Variants in PCDH9 observed in about 807,000 individuals in gnomAD.
PCDH9 encodes the protein protocadherin-9.
Under a neutral mutation model 70.6 loss-of-function variants are expected in PCDH9, and 24 were observed. That is an observed-to-expected ratio of 0.34 (90% confidence interval 0.25 to 0.48). The LOEUF is 0.48. Among genes scored for constraint, PCDH9 ranks in the 20% least tolerant of loss-of-function variants. The pLI is 0.99. For missense variants in PCDH9, 1,281 were observed against 1,503.6 expected (o/e 0.85, Z 2.45); for synonymous variants, 562 against 558.5 (o/e 1.01, Z -0.09).
intron 3 of PCDH9, among the ~76,000 whole-genome samples, chr13:66,830,872 T>C (rs374030781): frequency 5.8e-4 from 89 of 152,344 alleles, no homozygotes; most frequent in African/African-American, 2.1e-3. Flanking sequence ...ATCTAGGTAA[T>C]ATTTATGTTA....
At chr13:67,147,720 T>C (rs1437090426) in intron 2 of PCDH9, among the ~76,000 whole-genome samples, 1 of 152,240 alleles carries the variant, frequency 6.6e-6, no homozygotes, top group Non-Finnish European at 1.5e-5. Flanking sequence ...ATTGTTTCTT[T>C]GTATTTCATG....
At chr13:66,525,545 TCAAAA>T (rs900578971) in intron 4 of PCDH9, among the ~76,000 whole-genome samples, 41 of 152,126 alleles carry the variant, frequency 2.7e-4, no homozygotes, top group African/African-American at 6.7e-4. Context: ...AAAGCAAAAA[TCAAAA>T]CAAAACAAAA....
chr13:67,142,187 TA>T (rs1354724248), intron 2 of PCDH9, among the ~76,000 whole-genome samples: 2 of 152,174 alleles, frequency 1.3e-5, no homozygotes, highest in Non-Finnish European at 2.9e-5. Context: ...TCTGCTACCG[TA>T]AGTTTTTAAA....
intron 3 of PCDH9, among the ~76,000 whole-genome samples, chr13:66,818,731 G>T (rs1218323576): frequency 6.6e-6 from 1 of 152,032 alleles, no homozygotes. Context: ...AGGAGATCGA[G>T]ACCATCCTGG....
At position 66,724,422 on chromosome 13, in the gene PCDH9, G is replaced by C. The variant is rs115807766; in HGVS notation, c.3139-93011C>G. ...AAATAATTCTATACACATTGACATGGATATCAATCTTTACATTTCTCTCCT... is the reference window on the plus strand; with the variant it reads ...AAATAATTCTATACACATTGACATGCATATCAATCTTTACATTTCTCTCCT... On this transcript the variant is annotated intron_variant, in intron 3 of 4. Transcript: ENST00000377865. Among the ~76,000 whole-genome samples, 313 of 152,216 alleles carry C rather than the reference G, an allele frequency of 2.1e-3. 1 individual carries two copies. The highest frequency in any genetic ancestry group is 7.4e-3 in the African/African-American group (307 of 41,540).
At chr13:67,064,850 A>G (rs1220067098) in intron 2 of PCDH9, among the ~76,000 whole-genome samples, 1 of 151,972 alleles carries the variant, frequency 6.6e-6, no homozygotes, top group Non-Finnish European at 1.5e-5. Context: ...AAGTATATGT[A>G]TTTTTGTATC....
At chr13:67,077,162 T>A (rs755206967) in intron 2 of PCDH9, among the ~76,000 whole-genome samples, 4 of 152,050 alleles carry the variant, frequency 2.6e-5, no homozygotes, top group Admixed American at 6.6e-5. Flanking sequence ...AAAATACCAC[T>A]CCCTAATCAA....
intron 4 of PCDH9, among the ~76,000 whole-genome samples, chr13:66,559,477 G>C (rs1448083788): frequency 1.3e-5 from 2 of 152,024 alleles, no homozygotes; most frequent in Non-Finnish European, 2.9e-5. Context: ...TAGAAGTTAA[G>C]TAACTACCTG....
chr13:66,576,379 T>C (rs769313791), intron 4 of PCDH9, among the ~76,000 whole-genome samples: 28 of 152,174 alleles, frequency 1.8e-4, no homozygotes, highest in Non-Finnish European at 3.5e-4. Context: ...ATCGTAGCAA[T>C]GAAATTTCAG....
At chr13:66,499,495 T>G (rs1412435947) in intron 4 of PCDH9, among the ~76,000 whole-genome samples, 1 of 152,212 alleles carries the variant, frequency 6.6e-6, no homozygotes, top group African/African-American at 2.4e-5. Context: ...AAAATCATGA[T>G]GCTCAAGATG....
chr13:66,557,788 G>A (rs570659398), intron 4 of PCDH9, among the ~76,000 whole-genome samples: 24 of 152,292 alleles, frequency 1.6e-4, no homozygotes, highest in Middle Eastern at 6.8e-3. Flanking sequence ...TAGATGGAGA[G>A]TACTTATCAA....
At chr13:66,878,357 G>T (rs1405707161) in intron 3 of PCDH9, among the ~76,000 whole-genome samples, 1 of 152,018 alleles carries the variant, frequency 6.6e-6, no homozygotes, top group South Asian at 2.1e-4. Context: ...CTCCCGAGCA[G>T]CTGGGATTAC....
At chr13:66,917,323 G>A (rs1189062366) in intron 2 of PCDH9, among the ~76,000 whole-genome samples, 1 of 151,486 alleles carries the variant, frequency 6.6e-6, no homozygotes, top group African/African-American at 2.4e-5. Context: ...ACTGATGCAA[G>A]ATATTAAGGA....
chr13:66,816,352 A>G (rs2080604334), intron 3 of PCDH9, among the ~76,000 whole-genome samples: 2 of 152,134 alleles, frequency 1.3e-5, no homozygotes, highest in South Asian at 4.1e-4. Context: ...CCTGTCCTAG[A>G]TCAGTAGGAT....
intron 3 of PCDH9, among the ~76,000 whole-genome samples, chr13:66,657,999 T>A (rs572650990): frequency 2.1e-4 from 32 of 152,302 alleles, no homozygotes; most frequent in Admixed American, 1.8e-3. Flanking sequence ...ACTATTTACA[T>A]AGCATTTAAA....
chr13:67,102,037 C>G (rs1471807954), intron 2 of PCDH9, among the ~76,000 whole-genome samples: 1 of 152,054 alleles, frequency 6.6e-6, no homozygotes, highest in Non-Finnish European at 1.5e-5. Flanking sequence ...TTTTAATAAG[C>G]CTCCTCTATC....
intron 3 of PCDH9, among the ~76,000 whole-genome samples, chr13:66,734,300 G>A (rs2079115491): frequency 6.6e-6 from 1 of 152,174 alleles, no homozygotes; most frequent in Non-Finnish European, 1.5e-5. Context: ...TTGTTGACAG[G>A]AGGGTAATAC....
intron 4 of PCDH9, among the ~76,000 whole-genome samples, chr13:66,368,271 T>C (rs1956585924): frequency 6.6e-6 from 1 of 152,078 alleles, no homozygotes; most frequent in African/African-American, 2.4e-5. Flanking sequence ...CACCAGTTTG[T>C]GTTCCTTTTA....
chr13:66,607,068 C>T (rs760839532), intron 4 of PCDH9, among the ~76,000 whole-genome samples: 2 of 151,886 alleles, frequency 1.3e-5, no homozygotes, highest in Non-Finnish European at 2.9e-5. Context: ...TATTAAAATA[C>T]CAAAAATTCT....
Sources: gnomAD v4.1 joint callset for allele counts (sites outside exome capture counted in the v4.1 genomes callset) on GRCh38, gnomAD v4.1.1 for gene constraint, MANE v1.5 for transcripts, NCBI Gene and HGNC (gene_info 2026-07-23, HGNC 2026-07-21) for gene names.